CCDC17: variants seen among roughly 807,000 people sequenced by gnomAD.
CCDC17 encodes the protein coiled-coil domain containing 17, also known as coiled-coil domain-containing protein 17.
A neutral mutation model predicts 68.0 loss-of-function variants in CCDC17; 79 were observed. That is an observed-to-expected ratio of 1.16 (90% CI 0.97 to 1.40). CCDC17 has a LOEUF of 1.40. Ranked by LOEUF, CCDC17 falls within the 40% of genes most tolerant of loss-of-function variation. The pLI, the probability that CCDC17 is intolerant of heterozygous loss-of-function variation, is 0.00. For synonymous variants in CCDC17, 376 were observed against 337.5 expected (o/e 1.11, Z -1.25); for missense variants, 846 against 811.5 (o/e 1.04, Z -0.52).
chr1:45,621,013 C>A lies in CCDC17; in HGVS notation c.1489G>T (p.Gly497Ter). 1 of 1,613,900 alleles carries A rather than the reference C, an allele frequency of 6.2e-7. No homozygotes were observed. The highest frequency in any genetic ancestry group is 8.5e-7 in the Non-Finnish European group (1 of 1,179,874). ...APQPKAWVSL[G>*]LFDQDQRVLS... ...ACCCGCTGATCTTGGTCAAATAGTC[C>A]AAGTGAGACCCAAGCCTTTGGCTGT... Residue 497 changes from glycine (G) to a stop codon, truncating the protein, a stop_gained, in exon 11 of 13, where the codon GGA becomes TGA. Coordinates refer to ENST00000528266, the MANE Select transcript of CCDC17 (RefSeq NM_001114938.3). LOFTEE classifies it high-confidence loss of function.
chr1:45,622,371 G>C (rs751548097), intron 6 of CCDC17, 23 bp from the exon 7 acceptor site: 24 of 1,593,294 alleles, frequency 1.5e-5, no homozygotes, highest in Non-Finnish European at 1.9e-5. Context: ...AGTGTGACCT[G>C]TCACCTTTGA....
Position 45,621,391 on chromosome 1 carries a change from C to A in CCDC17, c.1278G>T (p.Arg426=). 2 of 1,595,122 alleles carry A rather than the reference C, an allele frequency of 1.3e-6. No individual in the cohort carries two copies. The change falls in exon 10 of 13, where the codon CGG becomes CGT. Residue 426 remains arginine, a synonymous_variant. Transcript: ENST00000528266. ...GCAACGCTGTGGTCCTTCCTGTATC[C>A]CGTCCATCGCGTGCCAAGCCAGTCC... ...QLRTGLARDG[R]DTGRTTALPP...
Position 45,620,264 on chromosome 1 carries a change from T to C in CCDC17, c.*11A>G. The C allele has an allele frequency of 6.2e-7, 1 of 1,607,140 alleles. No homozygotes were observed. Among genetic ancestry groups the C allele is most frequent in the Non-Finnish European group, 8.5e-7 (1 of 1,177,882 alleles). On this transcript the variant is annotated 3_prime_UTR_variant, in exon 13 of 13. Transcript: ENST00000528266. ...GCATGTTCAGATGCTCATCTCCACA[T>C]TCACTTGGGTTCAGAAACTCACTGG...
rs759876257 is a variant in CCDC17 at position 45,620,313 on chromosome 1, G to C, written c.1831C>G (p.Pro611Ala). The change falls in exon 13 of 13, where the codon CCT (proline) becomes GCT (alanine). Residue 611 changes from proline (P) to alanine (A), a missense_variant. Transcript: ENST00000528266. ...GGGGGCAAGTCAGAACTGTGGTGAG[G>C]GCCCAAACCCTCATCTCTATCCTTG... Reference protein sequence around the residue: ...GVKDRDEGLGPHHSSDLPPVS... With the variant: ...GVKDRDEGLGAHHSSDLPPVS... 1.9e-6 allele frequency: 3 copies of C among 1,609,112 alleles called. No individual in the cohort carries two copies. In the African/African-American group the frequency reaches 4.0e-5, roughly 22 times the overall value.
chr1:45,621,689 TGTG>T lies in CCDC17; in HGVS notation c.1130_1132del (p.Ser377_His378delinsTyr). ...CATGTCCGATGTGGGCAGGAGGAAGTGTGAGTCCAGGCCCAGGTTTCTGGTCAT... is the reference window on the plus strand; with the variant it reads ...CATGTCCGATGTGGGCAGGAGGAAGTAGTCCAGGCCCAGGTTTCTGGTCAT... On this transcript the variant is annotated inframe_deletion, in exon 9 of 13. Coordinates refer to ENST00000528266, the MANE Select transcript of CCDC17 (RefSeq NM_001114938.3). 1 of 1,613,694 alleles carries T rather than the reference TGTG, an allele frequency of 6.2e-7. No individual in the cohort carries two copies. The highest frequency in any genetic ancestry group is 8.5e-7 in the Non-Finnish European group (1 of 1,179,814).
At position 45,623,599 on chromosome 1, in the gene CCDC17, G is replaced by C. The variant is rs549438281; in HGVS notation, c.228C>G (p.Asp76Glu). The C allele has an allele frequency of 3.4e-5, 52 of 1,551,138 alleles. No homozygotes were observed. Among genetic ancestry groups the C allele is most frequent in the South Asian group, 8.3e-5 (7 of 84,066 alleles). The stretch of plus-strand genomic sequence containing the variant: ...TTAGAGCAGATCTACTGGCCTGCTG[G>C]TCTGGGAGGCCCTGGGGTTCTTGTG... ...GVPQEPQGLP[D>E]QQASRSALKR... Residue 76 changes from aspartate to glutamate, a missense_variant, in exon 2 of 13, where the codon GAC becomes GAG. Asp to Glu is a conservative substitution (Grantham distance 45, BLOSUM62 2). Coordinates refer to ENST00000528266, the MANE Select transcript of CCDC17 (RefSeq NM_001114938.3).
In CCDC17 at chr1:45,620,101, AAAGTT is replaced by A. The variant is rs1264422467; in HGVS notation, c.*169_*173del. On this transcript the variant is annotated 3_prime_UTR_variant, in exon 13 of 13. Transcript: ENST00000528266. ...TTTACAAAAACAGAAGAGGTACAGA[AAAGTT>A]AAGGACTTAACGGGAGGTGGTAAAG... The A allele has an allele frequency of 2.0e-5, 12 of 586,246 alleles. No individual in the cohort carries two copies. The highest frequency in any genetic ancestry group is 7.8e-5 in the African/African-American group (4 of 51,262). 36.3% of individuals were successfully genotyped at this position (586,246 alleles called of 1,614,324 possible).
chr1:45,623,689 G>A (rs945633536), intron 1 of CCDC17, 37 bp from the exon 2 acceptor site: 1 of 1,551,436 alleles, frequency 6.4e-7, no homozygotes, highest in African/African-American at 1.4e-5. Context: ...GAATCATAAA[G>A]GTCCTGGCTC....
In CCDC17 at chr1:45,620,892, A is replaced by C. The variant is rs775230809; in HGVS notation, c.1599+11T>G. The C allele has an allele frequency of 1.2e-6, 2 of 1,612,966 alleles. No homozygotes were observed. The highest frequency in any genetic ancestry group is 2.2e-5 in the South Asian group (2 of 90,788). On this transcript the variant is annotated intron_variant, in intron 11 of 12. Coordinates refer to ENST00000528266, the MANE Select transcript of CCDC17 (RefSeq NM_001114938.3). ...TTTGCTGTATGCCCAATCCCTGCGC[A>C]CCACACTCACCTGAGGAATCCCATT...
intron 10 of CCDC17, 79 bp downstream of exon 10, chr1:45,621,202 C>T: frequency 6.4e-7 from 1 of 1,550,524 alleles, no homozygotes; most frequent in Non-Finnish European, 8.7e-7. Flanking sequence ...CCTCTGTATA[C>T]AGATGAGAAA....
Position 45,623,728 on chromosome 1 carries a change from G to A in CCDC17, c.174+8C>T, listed in dbSNP as rs760342871. 1.9e-6 allele frequency: 3 copies of A among 1,551,100 alleles called. No homozygotes were observed. In the South Asian group the frequency reaches 3.6e-5, roughly 18 times the overall value. ...TGAATCCCCACCCATGGCCATGGAG[G>A]CCCTTACCGCGGCCCGCTGGGGTTC... On this transcript the variant is annotated splice_region_variant and intron_variant, in intron 1 of 12. Transcript: ENST00000528266.
Position 45,623,615 on chromosome 1 carries a change from G to T in CCDC17, c.212C>A (p.Pro71His), listed in dbSNP as rs755360041. ...GGCCTGCTGGTCTGGGAGGCCCTGG[G>T]GTTCTTGTGGCACGCCCTGGTGTTC... is the stretch of plus-strand genomic sequence containing the variant. The part of the protein sequence containing the change: ...PQEHQGVPQE[P>H]QGLPDQQASR... Residue 71 changes from proline to histidine, a missense_variant, in exon 2 of 13, where the codon CCC becomes CAC. Coordinates refer to ENST00000528266, the MANE Select transcript of CCDC17 (RefSeq NM_001114938.3). 91 of 1,551,202 alleles carry T rather than the reference G, an allele frequency of 5.9e-5. No individual in the cohort carries two copies. The African/African-American group carries it at 6.0e-4, about 10-fold the overall frequency.
Position 45,623,368 on chromosome 1 carries a change from C to T in CCDC17, c.342G>A (p.Gly114=). 1.3e-6 allele frequency: 2 copies of T among 1,550,718 alleles called. No individual in the cohort carries two copies. Among genetic ancestry groups the T allele is most frequent in the Non-Finnish European group, 1.7e-6 (2 of 1,147,004 alleles). Residue 114 remains glycine, a synonymous_variant, in exon 3 of 13, where the codon GGG becomes GGA. Coordinates refer to ENST00000528266, the MANE Select transcript of CCDC17 (RefSeq NM_001114938.3). The stretch of plus-strand genomic sequence containing the variant: ...GCCGCGCCTCGGAACGTGTCCAGGG[C>T]CCCGCGAACACCCTGGGGACCTCTG... ...WITEVPRVFA[G]PWTRSEARPQ...
Position 45,622,775 on chromosome 1 carries a change from G to A in CCDC17, c.716C>T (p.Pro239Leu), listed in dbSNP as rs770151819. ...ELYSPVQKAN[P>L]GTLAAEIRAL... Reference sequence around the variant, plus strand: ...CCGGATTTCGGCAGCCAGAGTTCCCGGGTTGGCCTTTTGCACTGGAGAATA... The same window carrying A: ...CCGGATTTCGGCAGCCAGAGTTCCCAGGTTGGCCTTTTGCACTGGAGAATA... The change falls in exon 5 of 13, where the codon CCG becomes CTG. Residue 239 changes from proline to leucine, a missense_variant. Coordinates refer to ENST00000528266, the MANE Select transcript of CCDC17 (RefSeq NM_001114938.3). 1.4e-5 allele frequency: 23 copies of A among 1,599,054 alleles called. No individual in the cohort carries two copies. In the East Asian group the frequency reaches 3.2e-4, roughly 22 times the overall value.
At position 45,622,769 on chromosome 1, in the gene CCDC17, G is replaced by A. The variant is rs375560678; in HGVS notation, c.722C>T (p.Thr241Ile). ...CTCTCACCGGATTTCGGCAGCCAGA[G>A]TTCCCGGGTTGGCCTTTTGCACTGG... Reference protein sequence around the residue: ...YSPVQKANPGTLAAEIRALRE... With the variant: ...YSPVQKANPGILAAEIRALRE... The change falls in exon 5 of 13, where the codon ACT becomes ATT. Residue 241 changes from threonine (T) to isoleucine (I), a missense_variant. Physicochemically the swap from Thr to Ile is moderately conservative, Grantham distance 89. Coordinates refer to ENST00000528266, the MANE Select transcript of CCDC17 (RefSeq NM_001114938.3). The A allele has an allele frequency of 2.8e-4, 442 of 1,596,988 alleles. 5 individuals carry two copies. The Middle Eastern group carries it at 6.8e-3, about 24-fold the overall frequency.
At chr1:45,623,519 C>T (rs763572858) in intron 2 of CCDC17, 38 bp downstream of exon 2, 24 of 1,548,380 alleles carry the variant, frequency 1.6e-5, no homozygotes, top group Non-Finnish European at 8.7e-6. Flanking sequence ...GGAAGACGCT[C>T]AACGTTTTGA....
chr1:45,623,531 C>T (rs1278019786), intron 2 of CCDC17, 26 bp downstream of exon 2: 6 of 1,548,172 alleles, frequency 3.9e-6, no homozygotes, highest in African/African-American at 2.7e-5. Flanking sequence ...ACGTTTTGAG[C>T]CCTGGGGGAA....
chr1:45,620,959 G>T lies in CCDC17; in HGVS notation c.1543C>A (p.Arg515=). The stretch of plus-strand genomic sequence containing the variant: ...AGGCTGGGGTCCAGAGGAAGGGCCC[G>T]AAGTGGGAGGCGCCAGCGGCCACTT... The part of the protein sequence containing the change: ...VLSGRWRLPL[R]ALPLDPSLSL... Residue 515 remains arginine (R), a synonymous_variant, in exon 11 of 13, where the codon CGG becomes AGG. Coordinates refer to ENST00000528266, the MANE Select transcript of CCDC17 (RefSeq NM_001114938.3). The T allele has an allele frequency of 6.2e-7, 1 of 1,613,854 alleles. No individual in the cohort carries two copies. The highest frequency in any genetic ancestry group is 1.1e-5 in the South Asian group (1 of 91,054).
Position 45,624,049 on chromosome 1 carries a change from A to G in CCDC17, c.-140T>C, listed in dbSNP as rs1387546346. ...GTCTATTAGGTCTGTGAGATCTTCA[A>G]GTTTGTTTGGGGAGAGCCTTAGCTC... On this transcript the variant is annotated 5_prime_UTR_variant, in exon 1 of 13. Transcript: ENST00000528266. 4 of 643,136 alleles carry G rather than the reference A, an allele frequency of 6.2e-6. No homozygotes were observed. The highest frequency in any genetic ancestry group is 2.8e-5 in the East Asian group (1 of 35,736). The allele number at this position is 643,136 out of a possible 1,614,324, so 39.8% of individuals were successfully genotyped here. A position where few individuals can be genotyped will look rare whatever the true frequency, so the allele number is the denominator to read the frequency against.
Sources: allele counts gnomAD v4.1 joint callset, GRCh38; gene constraint gnomAD v4.1.1; transcripts MANE v1.5; gene names NCBI Gene and HGNC (gene_info 2026-07-23, HGNC 2026-07-21).